MYO5B: variants seen among roughly 807,000 people sequenced by gnomAD.
The protein encoded by MYO5B is unconventional myosin-Vb.
A neutral mutation model predicts 229.3 loss-of-function variants in MYO5B; 143 were observed. The ratio of observed to expected loss-of-function variants is 0.62; its 90% confidence interval spans 0.54 to 0.72. The LOEUF (loss-of-function observed/expected upper bound fraction) is 0.72. Ranked by LOEUF, MYO5B falls within the 30% of genes least tolerant of loss-of-function variation. The pLI, the probability that MYO5B is intolerant of heterozygous loss-of-function variation, is 0.00. For missense variants in MYO5B, 2,321 were observed against 2,331.0 expected (o/e 1.00, Z 0.09); for synonymous variants, 918 against 885.2 (o/e 1.04, Z -0.66).
intron 10 of MYO5B, among the ~76,000 whole-genome samples, chr18:49,970,546 G>C (rs1005646411): frequency 1.3e-5 from 2 of 152,198 alleles, no homozygotes; most frequent in Non-Finnish European, 2.9e-5. Context: ...GTGTGTATAC[G>C]ATGCTGGCGT....
intron 1 of MYO5B, among the ~76,000 whole-genome samples, chr18:50,158,879 G>A (rs1172906273): frequency 1.3e-5 from 2 of 152,202 alleles, no homozygotes; most frequent in Non-Finnish European, 2.9e-5. Context: ...ATGATAATGT[G>A]TATGGATTAC....
intron 4 of MYO5B, among the ~76,000 whole-genome samples, chr18:50,035,353 T>C (rs1326098119): frequency 2.0e-5 from 3 of 152,318 alleles, no homozygotes; most frequent in Non-Finnish European, 2.9e-5. Flanking sequence ...TGGTATAACA[T>C]GGTAAGAACC....
chr18:49,923,691 C>T (rs1461395169), intron 17 of MYO5B, among the ~76,000 whole-genome samples: 1 of 152,200 alleles, frequency 6.6e-6, no homozygotes, highest in East Asian at 1.9e-4. Context: ...TAGCTCCTCC[C>T]TAACGTTCTC....
chr18:50,057,670 C>G (rs1489715581), intron 1 of MYO5B, among the ~76,000 whole-genome samples: 1 of 152,172 alleles, frequency 6.6e-6, no homozygotes, highest in African/African-American at 2.4e-5. Flanking sequence ...TCTAAAGAGA[C>G]TGAGAGCACC....
At position 49,878,933 on chromosome 18, in the gene MYO5B, C is replaced by T. The variant is rs761715786; in HGVS notation, c.3276+12G>A. ...GACCTGTGCCATGGCACAGCAGAAG[C>T]ACCCCCCTTGCCTTTATGATGGTCA... is the stretch of plus-strand genomic sequence containing the variant. On this transcript the variant is annotated intron_variant, in intron 24 of 39. Transcript: ENST00000285039. 5.6e-6 allele frequency: 9 copies of T among 1,614,084 alleles called. No homozygotes were observed. Among genetic ancestry groups the T allele is most frequent in the East Asian group, 2.2e-5 (1 of 44,872 alleles).
Position 49,904,764 on chromosome 18 carries a change from T to C in MYO5B, c.2479A>G (p.Arg827Gly), listed in dbSNP as rs1291391204. Residue 827 changes from arginine to glycine, a missense_variant, in exon 20 of 40, where the codon AGG becomes GGG. Arg to Gly is a moderately radical substitution (Grantham distance 125). Around this residue, in one of 2 missense-constraint regions of MYO5B, gnomAD observed 2,113 missense variants for 2,044.7 expected, o/e 1.03. Coordinates refer to ENST00000285039, the MANE Select transcript of MYO5B (RefSeq NM_001080467.3). Reference sequence around the variant, plus strand: ...ACCCTCTGGTAGGCCTGGCGGGCCCTCTGCATGCGGTAATGTTTCTGGAGC... The same window carrying C: ...ACCCTCTGGTAGGCCTGGCGGGCCCCCTGCATGCGGTAATGTTTCTGGAGC... The part of the protein sequence containing the change: ...VVLQKHYRMQ[R>G]ARQAYQRVRR... 3.1e-6 allele frequency: 5 copies of C among 1,613,860 alleles called. No individual in the cohort carries two copies. Among genetic ancestry groups the C allele is most frequent in the East Asian group, 4.5e-5 (2 of 44,876 alleles).
intron 4 of MYO5B, among the ~76,000 whole-genome samples, chr18:50,002,299 A>G (rs935494228): frequency 6.6e-6 from 1 of 152,188 alleles, no homozygotes; most frequent in South Asian, 2.1e-4. Flanking sequence ...TGATAAAACT[A>G]TCAATTTCAA....
chr18:49,912,194 C>T (rs371417195), intron 17 of MYO5B, 21 bp from the exon 18 acceptor site: 4 of 1,583,858 alleles, frequency 2.5e-6, no homozygotes, highest in African/African-American at 2.7e-5. Context: ...AGCAAAGGGG[C>T]ATCAGGTGAC....
At chr18:50,136,846 C>T (rs2144279949) in intron 1 of MYO5B, among the ~76,000 whole-genome samples, 2 of 152,306 alleles carry the variant, frequency 1.3e-5, no homozygotes, top group Middle Eastern at 3.4e-3. Flanking sequence ...CAAAGGCATT[C>T]AATAAATTAC....
At position 50,080,310 on chromosome 18, in the gene MYO5B, G is replaced by A. The variant is rs116351738; in HGVS notation, c.28-24932C>T. On this transcript the variant is annotated intron_variant, in intron 1 of 39. Transcript: ENST00000285039. ...AAGGATCTGCATCTAGGCTCAAGGA[G>A]GACATCTGTGGGGTGCGGGGAGGTG... 2.1e-3 allele frequency among the ~76,000 whole-genome samples: 327 copies of A among 152,298 alleles called. 1 individual carries two copies. Among genetic ancestry groups the A allele is most frequent in the African/African-American group, 7.5e-3 (311 of 41,558 alleles).
intron 1 of MYO5B, among the ~76,000 whole-genome samples, chr18:50,081,368 AC>A (rs1236277658): frequency 1.3e-5 from 2 of 152,234 alleles, no homozygotes; most frequent in Non-Finnish European, 2.9e-5. Context: ...TTTTTAAATA[AC>A]CAGCTAACAG....
chr18:50,052,592 T>G (rs1024942526), intron 2 of MYO5B, among the ~76,000 whole-genome samples: 1 of 145,590 alleles, frequency 6.9e-6, no homozygotes, highest in Non-Finnish European at 1.5e-5. Flanking sequence ...CATTAGGAGA[T>G]ATACCTAATG....
chr18:50,043,408 A>AT (rs2030103109), intron 2 of MYO5B, among the ~76,000 whole-genome samples: 1 of 55,208 alleles, frequency 1.8e-5, no homozygotes, highest in South Asian at 5.4e-4. Context: ...TATATTAAAT[A>AT]TTAAATATTT....
intron 1 of MYO5B, among the ~76,000 whole-genome samples, chr18:50,062,399 A>T (rs1388165800): frequency 6.6e-6 from 1 of 152,208 alleles, no homozygotes; most frequent in Non-Finnish European, 1.5e-5. Flanking sequence ...CAAGAACAGG[A>T]ACACTGGTCT....
chr18:50,123,308 T>A (rs1235174804), intron 1 of MYO5B, among the ~76,000 whole-genome samples: 1 of 152,174 alleles, frequency 6.6e-6, no homozygotes, highest in Non-Finnish European at 1.5e-5. Flanking sequence ...ACAGGTCTCC[T>A]TTGTGGGTTA....
intron 1 of MYO5B, among the ~76,000 whole-genome samples, chr18:50,148,010 C>A (rs531634765): frequency 1.3e-5 from 2 of 151,036 alleles, no homozygotes; most frequent in Non-Finnish European, 2.9e-5. Context: ...ATATCACCAC[C>A]GATCCCACAG....
chr18:49,997,119 T>TAA (rs1423668694), intron 5 of MYO5B, among the ~76,000 whole-genome samples: 1 of 151,740 alleles, frequency 6.6e-6, no homozygotes, highest in Non-Finnish European at 1.5e-5. Flanking sequence ...ATACAAAAGG[T>TAA]AGCTGGTCAT....
intron 4 of MYO5B, among the ~76,000 whole-genome samples, chr18:50,006,339 A>C (rs531558840): frequency 4.1e-4 from 63 of 152,196 alleles, no homozygotes; most frequent in Non-Finnish European, 7.3e-4. Flanking sequence ...TCTGCTTTTC[A>C]ATAAAGCCAC....
chr18:50,136,273 T>C (rs527643235), intron 1 of MYO5B, among the ~76,000 whole-genome samples: 308 of 152,334 alleles, frequency 2.0e-3, no homozygotes, highest in Non-Finnish European at 3.6e-3. Context: ...AGTGGCCACG[T>C]TAGGGTCTAA....
Sources: gnomAD v4.1 joint callset for allele counts (sites outside exome capture counted in the v4.1 genomes callset) on GRCh38, gnomAD v4.1.1 for gene constraint, gnomAD v4.1.1 regional missense constraint, MANE v1.5 for transcripts, NCBI Gene and HGNC (gene_info 2026-07-23, HGNC 2026-07-21) for gene names.